GALNT14: variants seen among roughly 807,000 people sequenced by gnomAD.
The protein encoded by GALNT14 is UDP-GalNAc:polypeptide N-acetylgalactosaminyltransferase 14.
A neutral mutation model predicts 77.5 loss-of-function variants in GALNT14; 60 were observed. The observed-to-expected ratio is 0.77, with a 90% CI of 0.63 to 0.96. GALNT14 has a LOEUF of 0.96. Ranked by LOEUF, GALNT14 falls within the 40% of genes least tolerant of loss-of-function variation. GALNT14 has a pLI of 0.00. For synonymous variants in GALNT14, 280 were observed against 281.7 expected, an observed-to-expected ratio of 0.99 and a Z score of 0.06; for missense variants, 710 against 731.0, an observed-to-expected ratio of 0.97 and a Z score of 0.33.
In GALNT14 at chr2:31,118,929, G is replaced by C. The variant is rs72795222; in HGVS notation, c.129+19029C>G. 6.6e-5 allele frequency among the ~76,000 whole-genome samples: 10 copies of C among 152,230 alleles called. No homozygotes were observed. The East Asian group carries it at 1.7e-3, about 26-fold the overall frequency. On this transcript the variant is annotated intron_variant, in intron 1 of 14. Transcript: ENST00000349752. The stretch of plus-strand genomic sequence containing the variant: ...CCCAGAACTAGAACCCAATATTTAT[G>C]GGAAATTATATGACAAAGTGGTCTT...
intron 2 of GALNT14, among the ~76,000 whole-genome samples, chr2:30,979,921 A>G (rs1038061731): frequency 2.6e-5 from 4 of 152,136 alleles, no homozygotes; most frequent in African/African-American, 9.7e-5. Flanking sequence ...CCCCGGCTCT[A>G]AATCACTCCC....
At chr2:31,046,962 G>A (rs1673506353) in intron 1 of GALNT14, among the ~76,000 whole-genome samples, 1 of 152,174 alleles carries the variant, frequency 6.6e-6, no homozygotes, top group Non-Finnish European at 1.5e-5. Flanking sequence ...TTTACAGGTG[G>A]AGAAACTAAA....
Position 30,911,032 on chromosome 2 carries a change from C to T in GALNT14, c.1528G>A (p.Glu510Lys), listed in dbSNP as rs973285495. The T allele has an allele frequency of 3.7e-6, 6 of 1,613,460 alleles. No individual in the cohort carries two copies. In the African/African-American group the frequency reaches 4.0e-5, roughly 11 times the overall value. The part of the protein sequence containing the change: ...QQWTKTGSHI[E>K]HIASHLCLDT... ...AGGCAGAGGTGGGATGCTATGTGCT[C>T]GATGTGGGAACCAGTTTTGGTCCAT... The change falls in exon 15 of 15, where the codon GAG (glutamate) becomes AAG (lysine). Residue 510 changes from glutamate to lysine, a missense_variant. Glu to Lys is a moderately conservative substitution (Grantham distance 56, BLOSUM62 1). Coordinates refer to ENST00000349752, the MANE Select transcript of GALNT14 (RefSeq NM_024572.4).
At chr2:30,973,985 C>T (rs1169192580) in intron 2 of GALNT14, among the ~76,000 whole-genome samples, 1 of 152,138 alleles carries the variant, frequency 6.6e-6, no homozygotes, top group Non-Finnish European at 1.5e-5. Flanking sequence ...GGAACTTGGT[C>T]GGGTGCTCTG....
At chr2:30,999,127 A>G (rs1259922646) in intron 1 of GALNT14, among the ~76,000 whole-genome samples, 1 of 152,210 alleles carries the variant, frequency 6.6e-6, no homozygotes, top group Non-Finnish European at 1.5e-5. Flanking sequence ...GAAAACAGCG[A>G]TGTAAATTCT....
intron 9 of GALNT14, among the ~76,000 whole-genome samples, chr2:30,938,382 A>ACTCTCTCT (rs1308784183): frequency 9.1e-5 from 13 of 143,510 alleles, no homozygotes; most frequent in African/African-American, 3.2e-4. Context: ...ACACACACAC[A>ACTCTCTCT]CACTCTCTCT....
intron 3 of GALNT14, among the ~76,000 whole-genome samples, chr2:30,964,981 T>A (rs934626020): frequency 1.3e-5 from 2 of 152,124 alleles, no homozygotes; most frequent in African/African-American, 4.8e-5. Flanking sequence ...TTTCATCATA[T>A]TTTTTTCTCT....
At chr2:31,072,000 G>C (rs761306010) in intron 1 of GALNT14, among the ~76,000 whole-genome samples, 35 of 152,192 alleles carry the variant, frequency 2.3e-4, no homozygotes, top group Non-Finnish European at 4.3e-4. Flanking sequence ...TGAGGCTGCA[G>C]GGTGGGGGCC....
At chr2:31,120,222 A>C (rs1362282878) in intron 1 of GALNT14, among the ~76,000 whole-genome samples, 4 of 152,064 alleles carry the variant, frequency 2.6e-5, no homozygotes, top group African/African-American at 9.7e-5. Flanking sequence ...ATATATACTT[A>C]AGTAAAGAGA....
At chr2:30,947,044 C>G (rs1380465594) in intron 6 of GALNT14, among the ~76,000 whole-genome samples, 1 of 152,190 alleles carries the variant, frequency 6.6e-6, no homozygotes, top group African/African-American at 2.4e-5. Context: ...AGAAGCTTCA[C>G]CCAGCCCATC....
chr2:30,951,780 G>T (rs1294483389), intron 6 of GALNT14, among the ~76,000 whole-genome samples: 1 of 152,152 alleles, frequency 6.6e-6, no homozygotes, highest in Non-Finnish European at 1.5e-5. Flanking sequence ...GCACAGCTCT[G>T]GGCAGAGAGC....
intron 1 of GALNT14, among the ~76,000 whole-genome samples, chr2:31,133,113 T>TA (rs113236325): frequency 0.037 from 5,543 of 151,044 alleles, 190 homozygotes; most frequent in African/African-American, 0.092. Flanking sequence ...AGATTATCCT[T>TA]AAAAAAAAAC....
At chr2:30,957,344 G>C (rs539600532) in intron 4 of GALNT14, among the ~76,000 whole-genome samples, 1 of 152,114 alleles carries the variant, frequency 6.6e-6, no homozygotes, top group Non-Finnish European at 1.5e-5. Context: ...GTGATTTACA[G>C]GTCTAGGATT....
In GALNT14 at chr2:30,932,134, A is replaced by G; in HGVS notation, c.992T>C (p.Val331Ala). The G allele has an allele frequency of 6.4e-7, 1 of 1,572,640 alleles. No individual in the cohort carries two copies. ...GSLEIVPCSR[V>A]GHVFRKKHPY... ...GTGCTTCTTCCGGAAGACGTGCCCC[A>G]CTCGGCTGCAGGGGACGATCTCTAG... The change falls in exon 10 of 15, where the codon GTG becomes GCG. Residue 331 changes from valine (V) to alanine (A), a missense_variant. By Grantham distance (64) the Val-to-Ala change is moderately conservative. Coordinates refer to ENST00000349752, the MANE Select transcript of GALNT14 (RefSeq NM_024572.4).
intron 6 of GALNT14, among the ~76,000 whole-genome samples, chr2:30,948,905 C>A (rs1459242939): frequency 6.6e-6 from 1 of 152,178 alleles, no homozygotes; most frequent in Admixed American, 6.5e-5. Context: ...TTACTTTGGT[C>A]ACAGACTTCC....
chr2:30,953,047 A>C (rs964940783), intron 6 of GALNT14, among the ~76,000 whole-genome samples: 13 of 152,152 alleles, frequency 8.5e-5, no homozygotes, highest in African/African-American at 3.1e-4. Flanking sequence ...TTCCCCAGCT[A>C]AGTACTCCTA....
chr2:31,112,038 G>A (rs1558576399), intron 1 of GALNT14, among the ~76,000 whole-genome samples: 1 of 149,890 alleles, frequency 6.7e-6, no homozygotes, highest in Non-Finnish European at 1.5e-5. Flanking sequence ...GTTCCATTGA[G>A]GACCCTCCAA....
chr2:31,088,712 G>T (rs979469414), intron 1 of GALNT14, among the ~76,000 whole-genome samples: 1 of 152,228 alleles, frequency 6.6e-6, no homozygotes, highest in African/African-American at 2.4e-5. Flanking sequence ...ATGCAGTCGG[G>T]TGGGGTTATG....
chr2:30,923,051 C>A (rs942211072), intron 13 of GALNT14, among the ~76,000 whole-genome samples: 5 of 143,794 alleles, frequency 3.5e-5, no homozygotes, highest in Non-Finnish European at 7.5e-5. Flanking sequence ...CATAGACAAA[C>A]GTGCCTTTTT....
Sources: allele counts gnomAD v4.1 joint callset (sites outside exome capture counted in the v4.1 genomes callset), GRCh38; gene constraint gnomAD v4.1.1; transcripts MANE v1.5; gene names NCBI Gene and HGNC (gene_info 2026-07-23, HGNC 2026-07-21).